Variants in SULF2 observed in about 807,000 individuals in gnomAD.
The protein encoded by SULF2 is extracellular sulfatase Sulf-2.
A neutral mutation model predicts 107.7 loss-of-function variants in SULF2; 52 were observed. The observed-to-expected ratio is 0.48, with a 90% confidence interval of 0.39 to 0.61. SULF2 has a LOEUF of 0.61. Ranked by LOEUF, SULF2 falls within the 20% of genes least tolerant of loss-of-function variation. The pLI, the probability that SULF2 is intolerant of heterozygous loss-of-function variation, is 0.00. For missense variants in SULF2, 993 were observed against 1,177.3 expected (o/e 0.84, Z 2.29); for synonymous variants, 460 against 464.3 (o/e 0.99, Z 0.12).
At chr20:47,660,934 A>G (rs2087045058) in intron 18 of SULF2, among the ~76,000 whole-genome samples, 1 of 152,042 alleles carries the variant, frequency 6.6e-6, no homozygotes, top group African/African-American at 2.4e-5. Context: ...TCTGAAATCC[A>G]TCATCTTTAC....
At chr20:47,664,415 C>T (rs1465241453) in intron 14 of SULF2, among the ~76,000 whole-genome samples, 1 of 152,238 alleles carries the variant, frequency 6.6e-6, no homozygotes, top group East Asian at 1.9e-4. Flanking sequence ...TGGACTTTTG[C>T]TAGACTTTAG....
intron 1 of SULF2, among the ~76,000 whole-genome samples, chr20:47,763,183 G>T (rs1249977209): frequency 6.6e-6 from 1 of 152,098 alleles, no homozygotes; most frequent in Non-Finnish European, 1.5e-5. Flanking sequence ...AGGTCTCTCT[G>T]GCTCCTCCTC....
chr20:47,744,126 G>A (rs902163033), intron 2 of SULF2, among the ~76,000 whole-genome samples: 3 of 152,130 alleles, frequency 2.0e-5, no homozygotes, highest in Non-Finnish European at 4.4e-5. Context: ...GGTGGGTGGG[G>A]AGTCAAGGGC....
chr20:47,763,918 A>C (rs1384547148), intron 1 of SULF2, among the ~76,000 whole-genome samples: 1 of 152,188 alleles, frequency 6.6e-6, no homozygotes, highest in Non-Finnish European at 1.5e-5. Context: ...AGTAAAACGC[A>C]AAAACCCTCC....
intron 10 of SULF2, 72 bp from the exon 11 acceptor site, chr20:47,672,465 C>T (rs1436473527): frequency 6.7e-7 from 1 of 1,490,674 alleles, no homozygotes; most frequent in Non-Finnish European, 8.9e-7. Flanking sequence ...CTGCCACCCC[C>T]ATCCACCCTG....
At chr20:47,702,733 T>C (rs1432219387) in intron 3 of SULF2, 63 bp from the exon 4 acceptor site, 12 of 1,558,150 alleles carry the variant, frequency 7.7e-6, no homozygotes, top group Admixed American at 5.2e-5. Context: ...TATTAAACTA[T>C]TGTGTGTCCG....
At chr20:47,690,606 C>T (rs2088165301) in intron 4 of SULF2, among the ~76,000 whole-genome samples, 1 of 152,288 alleles carries the variant, frequency 6.6e-6, no homozygotes, top group East Asian at 1.9e-4. Flanking sequence ...GGTGGGATGG[C>T]TCACACCTGT....
In SULF2 at chr20:47,694,830, T is replaced by C. The variant is rs2146560221; in HGVS notation, c.568-4535A>G. ...CAGGCTCCAGACAACTCGTAATGAA[T>C]GATCATAGGCTCTTCATGTTATCAA... On this transcript the variant is annotated intron_variant, in intron 4 of 20. Coordinates refer to ENST00000688720, the MANE Select transcript of SULF2 (RefSeq NM_001387048.1). The surrounding 1 kb of genome is among the most constrained non-coding windows in gnomAD (Gnocchi z 4.4). Among the ~76,000 whole-genome samples the C allele has an allele frequency of 6.6e-6, 1 of 152,234 alleles. No individual in the cohort carries two copies. The highest frequency in any genetic ancestry group is 1.9e-4 in the East Asian group (1 of 5,200).
At chr20:47,747,723 C>T (rs80226505) in intron 2 of SULF2, among the ~76,000 whole-genome samples, 5 of 151,974 alleles carry the variant, frequency 3.3e-5, no homozygotes, top group African/African-American at 1.2e-4. Context: ...TAATGTCCCC[C>T]CCTTCCCCAC....
chr20:47,785,546 A>ACCGCCC (rs1419298940), upstream of SULF2: 1 of 112,128 alleles, frequency 8.9e-6, no homozygotes, highest in Non-Finnish European at 2.0e-5. Context: ...CGCCGCCGCC[A>ACCGCCC]CCGCCCCCGG....
chr20:47,742,058 A>G (rs1478791626), intron 2 of SULF2, among the ~76,000 whole-genome samples: 1 of 152,240 alleles, frequency 6.6e-6, no homozygotes, highest in East Asian at 1.9e-4. Context: ...ATCCACGAGT[A>G]AAGGACAACA....
chr20:47,670,825 A>G (rs535965636), intron 11 of SULF2, among the ~76,000 whole-genome samples: 1 of 148,066 alleles, frequency 6.8e-6, no homozygotes, highest in South Asian at 2.2e-4. Flanking sequence ...TATAGTTGAC[A>G]CTACTGGATA....
Position 47,747,453 on chromosome 20 carries a change from A to G in SULF2, c.175+9736T>C, listed in dbSNP as rs60405444. Among the ~76,000 whole-genome samples the G allele has an allele frequency of 6.3e-3, 966 of 152,286 alleles. 9 individuals carry two copies. Among genetic ancestry groups the G allele is most frequent in the African/African-American group, 0.022 (905 of 41,554 alleles). ...TGCTATGGTCATCGTCAACCATAGC[A>G]GAGAGGTGGCAGAGCACACGTGGGA... On this transcript the variant is annotated intron_variant, in intron 2 of 20. Coordinates refer to ENST00000688720, the MANE Select transcript of SULF2 (RefSeq NM_001387048.1).
At chr20:47,658,783 G>A (rs1376898403) in intron 20 of SULF2, among the ~76,000 whole-genome samples, 1 of 152,198 alleles carries the variant, frequency 6.6e-6, no homozygotes, top group African/African-American at 2.4e-5. Flanking sequence ...TTCACCAAGG[G>A]CGATAATTTG....
intron 3 of SULF2, among the ~76,000 whole-genome samples, chr20:47,724,212 A>G (rs1269842625): frequency 6.6e-6 from 1 of 152,234 alleles, no homozygotes; most frequent in Non-Finnish European, 1.5e-5. Context: ...TGATGTGGTC[A>G]GGTTTACAAT....
intron 3 of SULF2, among the ~76,000 whole-genome samples, chr20:47,709,106 G>A (rs902088440): frequency 3.9e-5 from 6 of 152,134 alleles, no homozygotes; most frequent in South Asian, 2.1e-4. Flanking sequence ...CATGGGCCCC[G>A]GGGCTCCTGG....
chr20:47,783,388 A>G (rs557996172), intron 1 of SULF2, among the ~76,000 whole-genome samples: 1 of 152,280 alleles, frequency 6.6e-6, no homozygotes, highest in Non-Finnish European at 1.5e-5. Flanking sequence ...CAAGCAGATA[A>G]ACTAACCAGT....
At chr20:47,759,239 T>A (rs924629751) in intron 1 of SULF2, among the ~76,000 whole-genome samples, 6 of 152,162 alleles carry the variant, frequency 3.9e-5, no homozygotes, top group Admixed American at 2.6e-4. Flanking sequence ...GCTCACAGGA[T>A]AAGATGCAAA....
intron 1 of SULF2, among the ~76,000 whole-genome samples, chr20:47,763,113 G>C (rs561270055): frequency 4.6e-5 from 7 of 151,920 alleles, no homozygotes; most frequent in African/African-American, 1.7e-4. Context: ...CGCAGCACCA[G>C]CCGCCTGCCA....
Sources: allele counts gnomAD v4.1 joint callset (sites outside exome capture counted in the v4.1 genomes callset), GRCh38; gene constraint gnomAD v4.1.1; non-coding constraint Gnocchi (gnomAD v3.1); transcripts MANE v1.5; gene names NCBI Gene and HGNC (gene_info 2026-07-23, HGNC 2026-07-21).